The following PWWP2A variants were observed in gnomAD, a reference collection of about 807,000 sequenced individuals.
PWWP2A encodes the protein PWWP domain containing 2A.
Under a neutral mutation model 48.5 loss-of-function variants are expected in PWWP2A, and 18 were observed. That is an observed-to-expected ratio of 0.37 (90% CI 0.26 to 0.55). The LOEUF is 0.55. Ranked by LOEUF, PWWP2A falls within the 20% of genes least tolerant of loss-of-function variation. PWWP2A has a pLI of 0.81. For missense variants in PWWP2A, 867 were observed against 976.4 expected (o/e 0.89, Z 1.49); for synonymous variants, 396 against 387.7 (o/e 1.02, Z -0.25).
intron 1 of PWWP2A, among the ~76,000 whole-genome samples, chr5:160,097,785 G>C (rs908544279): frequency 2.8e-5 from 4 of 144,718 alleles, no homozygotes; most frequent in African/African-American, 5.1e-5. Flanking sequence ...GCACAATCTC[G>C]GCTCACTGCA....
downstream of PWWP2A, among the ~76,000 whole-genome samples, chr5:160,058,601 CAG>C (rs369732753): frequency 3.3e-5 from 5 of 151,858 alleles, no homozygotes; most frequent in African/African-American, 1.2e-4. Context: ...TTAGTAGAGA[CAG>C]GGTTTCACCG....
downstream of PWWP2A, among the ~76,000 whole-genome samples, chr5:160,060,238 G>A (rs1757661432): frequency 6.6e-6 from 1 of 152,186 alleles, no homozygotes; most frequent in Admixed American, 6.5e-5. Context: ...TGAAAACACA[G>A]CATTCCTGGT....
rs146170051 is a variant in PWWP2A at position 160,062,400 on chromosome 5, G to A, written c.*369-307C>T. 7.0e-3 allele frequency among the ~76,000 whole-genome samples: 1,069 copies of A among 152,222 alleles called. 8 individuals are homozygous for A. The highest frequency in any genetic ancestry group is 0.013 in the Non-Finnish European group (856 of 68,010). ...CACCCTGGACCTATTCCCATCCCCCGGAGCACTGTGGCATGTAGCCTCTTC... is the reference window on the plus strand; with the variant it reads ...CACCCTGGACCTATTCCCATCCCCCAGAGCACTGTGGCATGTAGCCTCTTC... On this transcript the variant is annotated intron_variant and NMD_transcript_variant, in intron 5 of 5. Coordinates refer to the PWWP2A transcript ENST00000524050.
intron 1 of PWWP2A, among the ~76,000 whole-genome samples, chr5:160,118,464 C>T (rs1399262003): frequency 6.7e-6 from 1 of 148,856 alleles, no homozygotes; most frequent in Non-Finnish European, 1.5e-5. Context: ...TGCAAAAATC[C>T]ATCTGCATCT....
chr5:160,097,449 G>A (rs1263119290), intron 1 of PWWP2A, among the ~76,000 whole-genome samples: 3 of 150,524 alleles, frequency 2.0e-5, no homozygotes, highest in African/African-American at 7.3e-5. Flanking sequence ...GGCCAACATG[G>A]TGAAACCCCG....
chr5:160,091,861 A>C lies in PWWP2A; in HGVS notation c.*521T>G, dbSNP rs1755095787. 1.0e-6 allele frequency: 1 copy of C among 984,738 alleles called. No individual in the cohort carries two copies. Among genetic ancestry groups the C allele is most frequent in the African/African-American group, 1.8e-5 (1 of 57,120 alleles). The allele number at this position is 984,738 out of a possible 1,614,324, so 61.0% of individuals were successfully genotyped here. ...AGGCTAAGTGTTCATTATTTAAAAAACAAGTAGTCATTAAATATCCACTAT... is the reference window on the plus strand; with the variant it reads ...AGGCTAAGTGTTCATTATTTAAAAACCAAGTAGTCATTAAATATCCACTAT... On this transcript the variant is annotated 3_prime_UTR_variant, in exon 2 of 2. Coordinates refer to ENST00000307063, the MANE Select transcript of PWWP2A (RefSeq NM_001130864.2).
rs1354999084 is a variant in PWWP2A at position 160,078,250 on chromosome 5, G to C, written c.1670-82C>G. The C allele has an allele frequency of 3.5e-6, 4 of 1,141,542 alleles. No homozygotes were observed. In the Admixed American group the frequency reaches 8.0e-5, roughly 23 times the overall value. 70.7% of individuals were successfully genotyped at this position (1,141,542 alleles called of 1,614,324 possible). A position where few individuals can be genotyped will look rare whatever the true frequency, so the allele number is the denominator to read the frequency against. On this transcript the variant is annotated intron_variant, in intron 3 of 3. Transcript: ENST00000456329. The surrounding 1 kb of genome is among the most constrained non-coding windows in gnomAD (Gnocchi z 4.2). ...GGAAAATGATGTCCTTGTTGTTTAA[G>C]CCCTACATAGATTGTGGGATCACAC...
chr5:160,064,930 A>G, intron 4 of PWWP2A: 1 of 1,605,748 alleles, frequency 6.2e-7, no homozygotes, highest in Non-Finnish European at 8.5e-7. Context: ...TTTACATTAC[A>G]GGTAAATTAA....
chr5:160,045,456 A>C, the PWWP2A span, among the ~76,000 whole-genome samples: 6 of 12,846 alleles, frequency 4.7e-4, no homozygotes, highest in African/African-American at 7.7e-4. Context: ...CCCACCCTCC[A>C]CACACACACA....
chr5:160,084,600 T>C (rs1320329460), intron 2 of PWWP2A, among the ~76,000 whole-genome samples: 1 of 152,052 alleles, frequency 6.6e-6, no homozygotes, highest in African/African-American at 2.4e-5. Flanking sequence ...ACCTTATTTT[T>C]TTGTATTTTT....
intron 2 of PWWP2A, among the ~76,000 whole-genome samples, chr5:160,083,707 C>T (rs1005182180): frequency 1.3e-5 from 2 of 152,228 alleles, no homozygotes; most frequent in African/African-American, 2.4e-5. Flanking sequence ...AGATGGTCAT[C>T]GGTCATTAGG....
At chr5:160,107,504 G>A (rs1294438995) in intron 1 of PWWP2A, among the ~76,000 whole-genome samples, 1 of 152,140 alleles carries the variant, frequency 6.6e-6, no homozygotes, top group African/African-American at 2.4e-5. Context: ...GCACTTTATA[G>A]ACAAAAATAA....
chr5:160,090,767 A>C (rs569067751), downstream of PWWP2A: 1 of 964,590 alleles, frequency 1.0e-6, no homozygotes, highest in Admixed American at 6.2e-5. Context: ...TTAAATTTCT[A>C]AAAGTATTGA....
chr5:160,069,468 G>T (rs1459549781), intron 2 of PWWP2A, among the ~76,000 whole-genome samples: 1 of 152,166 alleles, frequency 6.6e-6, no homozygotes, highest in Non-Finnish European at 1.5e-5. Flanking sequence ...AACTTTCTTA[G>T]TAGTGTTATT....
the PWWP2A span, among the ~76,000 whole-genome samples, chr5:160,046,486 C>CT: frequency 1.3e-5 from 2 of 151,396 alleles, no homozygotes; most frequent in South Asian, 2.1e-4. Flanking sequence ...GGACCCTCTT[C>CT]TTTTTTTTTC....
the PWWP2A span, chr5:160,051,082 G>GTT: frequency 1.3e-3 from 1,601 of 1,233,718 alleles, no homozygotes; most frequent in South Asian, 3.3e-3. Flanking sequence ...AAAGGTTTTG[G>GTT]TTTTTTTTTT....
At chr5:160,056,214 A>G in the PWWP2A span, among the ~76,000 whole-genome samples, 1 of 152,200 alleles carries the variant, frequency 6.6e-6, no homozygotes, top group Non-Finnish European at 1.5e-5. Flanking sequence ...CCTTCCTTTC[A>G]CCAGCACCTG....
chr5:160,052,060 G>A, the PWWP2A span, among the ~76,000 whole-genome samples: 3 of 152,208 alleles, frequency 2.0e-5, no homozygotes, highest in African/African-American at 7.2e-5. Flanking sequence ...TTGAGAGGAG[G>A]CCATTAACCT....
At chr5:160,069,871 A>T (rs758012878) in intron 2 of PWWP2A, among the ~76,000 whole-genome samples, 2 of 152,194 alleles carry the variant, frequency 1.3e-5, no homozygotes, top group Non-Finnish European at 2.9e-5. Flanking sequence ...TCCAAGAATT[A>T]AAAAAATCCC....
Sources: gnomAD v4.1 joint callset for allele counts (sites outside exome capture counted in the v4.1 genomes callset) on GRCh38, gnomAD v4.1.1 for gene constraint, Gnocchi (gnomAD v3.1) non-coding constraint, MANE v1.5 for transcripts, NCBI Gene and HGNC (gene_info 2026-07-23, HGNC 2026-07-21) for gene names.